The following IL7 variants were observed in gnomAD, a reference collection of about 807,000 sequenced individuals.
The protein encoded by IL7 is interleukin 7, also known as interleukin-7.
In IL7, 3 loss-of-function variants were observed where a neutral mutation model predicts 21.6. That is an observed-to-expected ratio of 0.14 (90% confidence interval 0.06 to 0.36). The LOEUF (loss-of-function observed/expected upper bound fraction) is 0.36. Among genes scored for constraint, IL7 ranks in the 10% least tolerant of loss-of-function variants. The probability of loss-of-function intolerance (pLI) is 1.00; values close to 1 mark genes in which losing one functional copy is unlikely to be tolerated. For missense variants in IL7, 175 were observed against 200.2 expected (o/e 0.87, Z 0.76); for synonymous variants, 62 against 68.1 (o/e 0.91, Z 0.44).
chr8:78,708,249 GTC>G (rs1246941333), intron 3 of IL7, among the ~76,000 whole-genome samples: 1 of 152,180 alleles, frequency 6.6e-6, no homozygotes. Flanking sequence ...ATTATTTAAA[GTC>G]TGGTGTATGT....
At chr8:78,786,606 C>A (rs1813516862) in intron 2 of IL7, among the ~76,000 whole-genome samples, 1 of 152,142 alleles carries the variant, frequency 6.6e-6, no homozygotes, top group Admixed American at 6.5e-5. Flanking sequence ...TGTCACTAGG[C>A]AATATGAATA....
At chr8:78,720,656 T>C (rs765357228) in intron 5 of IL7, among the ~76,000 whole-genome samples, 15 of 151,884 alleles carry the variant, frequency 9.9e-5, no homozygotes, top group Non-Finnish European at 1.8e-4. Context: ...TTTAATAATG[T>C]GTTTATATTT....
downstream of IL7, among the ~76,000 whole-genome samples, chr8:78,731,439 T>A (rs950765375): frequency 1.3e-5 from 2 of 151,910 alleles, no homozygotes; most frequent in African/African-American, 4.8e-5. Context: ...CACAGCTACA[T>A]GAATGAGTTT....
downstream of IL7, among the ~76,000 whole-genome samples, chr8:78,714,542 C>G (rs534801122): frequency 1.3e-5 from 2 of 152,206 alleles, no homozygotes; most frequent in East Asian, 3.9e-4. Flanking sequence ...GCATTTGAAT[C>G]TAAATTCATT....
chr8:78,712,018 C>T (rs756642014), intron 3 of IL7: 5 of 1,289,474 alleles, frequency 3.9e-6, no homozygotes, highest in South Asian at 1.2e-5. Flanking sequence ...CCCTCCACTT[C>T]GAACGGGAAG....
chr8:78,761,662 T>G, intron 2 of IL7: 1 of 1,612,014 alleles, frequency 6.2e-7, no homozygotes, highest in African/African-American at 1.3e-5. Context: ...CGTGTGAGTC[T>G]CTCACTTCCC....
At chr8:78,796,448 C>A (rs188559114) in intron 2 of IL7, among the ~76,000 whole-genome samples, 15 of 151,856 alleles carry the variant, frequency 9.9e-5, no homozygotes, top group African/African-American at 3.6e-4. Context: ...GAGTTTTACA[C>A]ACATATAATT....
At chr8:78,773,305 C>A (rs2717546) in intron 2 of IL7, among the ~76,000 whole-genome samples, 5 of 151,882 alleles carry the variant, frequency 3.3e-5, no homozygotes, top group African/African-American at 4.8e-5. Context: ...CACACAGACA[C>A]GGGGAGAATG....
downstream of IL7, chr8:78,717,668 A>T: frequency 2.1e-6 from 1 of 474,096 alleles, no homozygotes; most frequent in Non-Finnish European, 3.5e-6. Flanking sequence ...ATATGTGTAC[A>T]TATACTGTAT....
At chr8:78,798,470 T>C (rs940142960) in intron 1 of IL7, among the ~76,000 whole-genome samples, 4 of 152,064 alleles carry the variant, frequency 2.6e-5, no homozygotes, top group African/African-American at 7.2e-5. Flanking sequence ...AATCATAGAC[T>C]GCTTCTGAAA....
At chr8:78,716,191 C>T (rs191270067), downstream of IL7, among the ~76,000 whole-genome samples, 846 of 151,308 alleles carry the variant, frequency 5.6e-3, 8 homozygotes, top group African/African-American at 0.019. Context: ...GGCGCAATCT[C>T]GGCTCACTGC....
At chr8:78,799,043 T>G (rs1813962794) in intron 1 of IL7, among the ~76,000 whole-genome samples, 1 of 152,138 alleles carries the variant, frequency 6.6e-6, no homozygotes, top group Admixed American at 6.5e-5. Context: ...AGCCAGTGGT[T>G]CCCACAAACA....
chr8:78,682,430 A>G (rs923239792), intron 4 of IL7, among the ~76,000 whole-genome samples: 2 of 152,200 alleles, frequency 1.3e-5, no homozygotes, highest in Non-Finnish European at 2.9e-5. Context: ...AAGGTGAAGA[A>G]GGAACAAAGT....
intron 2 of IL7, among the ~76,000 whole-genome samples, chr8:78,770,048 A>C (rs1812898925): frequency 1.3e-5 from 2 of 152,238 alleles, no homozygotes; most frequent in Admixed American, 6.5e-5. Flanking sequence ...GATGGATTAA[A>C]GACTTAAATG....
intron 2 of IL7, among the ~76,000 whole-genome samples, chr8:78,780,429 C>A (rs1813290216): frequency 6.6e-6 from 1 of 152,018 alleles, no homozygotes; most frequent in Non-Finnish European, 1.5e-5. Flanking sequence ...TGGCACACTG[C>A]CTCTTTGTTT....
intron 3 of IL7, among the ~76,000 whole-genome samples, chr8:78,686,280 G>A (rs116969346): frequency 0.013 from 2,047 of 152,156 alleles, 26 homozygotes; most frequent in South Asian, 0.031. Flanking sequence ...TTAAGAAATT[G>A]AATATAAAAT....
intron 2 of IL7, among the ~76,000 whole-genome samples, chr8:78,796,532 A>T (rs916076506): frequency 2.0e-4 from 31 of 152,012 alleles, no homozygotes; most frequent in African/African-American, 6.8e-4. Flanking sequence ...GAAAAAAATT[A>T]AAAAAGAGAT....
chr8:78,783,568 G>T (rs1256483993), intron 2 of IL7, among the ~76,000 whole-genome samples: 2 of 151,804 alleles, frequency 1.3e-5, no homozygotes, highest in African/African-American at 4.8e-5. Flanking sequence ...TAGTCTTAAG[G>T]TTAATATGCA....
intron 3 of IL7, among the ~76,000 whole-genome samples, chr8:78,694,640 G>A (rs1428031668): frequency 6.6e-6 from 1 of 151,940 alleles, no homozygotes; most frequent in East Asian, 1.9e-4. Flanking sequence ...TCTTTCCTGA[G>A]CATTTTTAGT....
Sources: allele counts gnomAD v4.1 joint callset (sites outside exome capture counted in the v4.1 genomes callset), GRCh38; gene constraint gnomAD v4.1.1; transcripts MANE v1.5; gene names NCBI Gene and HGNC (gene_info 2026-07-23, HGNC 2026-07-21).